The following LRRC7 variants were observed in gnomAD, a reference collection of about 807,000 sequenced individuals.
LRRC7 encodes the protein leucine-rich repeat-containing protein 7.
In LRRC7, 23 loss-of-function variants were observed where a neutral mutation model predicts 175.7. That is an observed-to-expected ratio of 0.13 (90% CI 0.09 to 0.19). The LOEUF is 0.19. Among genes scored for constraint, LRRC7 ranks in the 10% least tolerant of loss-of-function variants. The pLI, the probability that LRRC7 is intolerant of heterozygous loss-of-function variation, is 1.00. For synonymous variants in LRRC7, 685 were observed against 680.9 expected (o/e 1.01, Z -0.09); for missense variants, 1,354 against 1,904.7 (o/e 0.71, Z 5.38).
rs561140847 is a variant in LRRC7 at position 69,745,382 on chromosome 1, T to C, written c.101-14809T>C. On this transcript the variant is annotated intron_variant, in intron 2 of 26. Transcript: ENST00000651989. The stretch of plus-strand genomic sequence containing the variant: ...AAATTGACATTCATATACAATACTT[T>C]GGGGAGTATACATTGGTAAAAATAA... 5.3e-5 allele frequency among the ~76,000 whole-genome samples: 8 copies of C among 152,056 alleles called. No individual in the cohort carries two copies. In the East Asian group the frequency reaches 1.5e-3, roughly 29 times the overall value.
rs776932465 is a variant in LRRC7 at position 69,736,277 on chromosome 1, G to T, written c.101-23914G>T. On this transcript the variant is annotated intron_variant, in intron 2 of 26. Transcript: ENST00000651989. ...AATTCACTAAGAATAGAAAATTATT[G>T]ATTTATTCAGTAAACTAAGTAGGTT... Among the ~76,000 whole-genome samples, 153 of 152,030 alleles carry T rather than the reference G, an allele frequency of 1.0e-3. 1 individual carries two copies. The highest frequency in any genetic ancestry group is 1.9e-3 in the Non-Finnish European group (128 of 67,984).
At chr1:69,844,193 T>C (rs189054204) in intron 7 of LRRC7, among the ~76,000 whole-genome samples, 1 of 152,114 alleles carries the variant, frequency 6.6e-6, no homozygotes, top group Admixed American at 6.6e-5. Flanking sequence ...TAATTTTTTT[T>C]ATCGTGGTAA....
intron 7 of LRRC7, among the ~76,000 whole-genome samples, chr1:69,918,462 T>A (rs1279335362): frequency 6.6e-6 from 1 of 152,218 alleles, no homozygotes; most frequent in Non-Finnish European, 1.5e-5. Context: ...CCCTGTTACA[T>A]ATGTTCATCT....
intron 8 of LRRC7, among the ~76,000 whole-genome samples, chr1:69,941,868 G>A (rs1253537560): frequency 1.3e-5 from 2 of 151,966 alleles, no homozygotes; most frequent in Non-Finnish European, 2.9e-5. Context: ...GGAGATTATA[G>A]AAAAACAATC....
intron 7 of LRRC7, among the ~76,000 whole-genome samples, chr1:69,913,138 T>C (rs1040716805): frequency 2.6e-5 from 4 of 152,208 alleles, no homozygotes; most frequent in Non-Finnish European, 4.4e-5. Context: ...TTTCAATGTT[T>C]ATCCTAATAA....
chr1:69,945,918 T>A (rs761263156), intron 8 of LRRC7, among the ~76,000 whole-genome samples: 13 of 152,174 alleles, frequency 8.5e-5, no homozygotes, highest in Non-Finnish European at 1.9e-4. Flanking sequence ...GAGCATGTCA[T>A]CTGTAAGCAG....
chr1:69,604,073 A>G (rs946369584), intron 1 of LRRC7, among the ~76,000 whole-genome samples: 29 of 152,124 alleles, frequency 1.9e-4, no homozygotes, highest in East Asian at 5.8e-4. Flanking sequence ...ATATTTTAAG[A>G]TTTTGTTTCC....
At chr1:69,636,362 A>C (rs186673473) in intron 1 of LRRC7, among the ~76,000 whole-genome samples, 1 of 152,066 alleles carries the variant, frequency 6.6e-6, no homozygotes, top group Admixed American at 6.6e-5. Flanking sequence ...CTCCTCACCA[A>C]TAAATTCAAA....
intron 7 of LRRC7, among the ~76,000 whole-genome samples, chr1:69,902,160 G>A (rs534653923): frequency 7.0e-4 from 107 of 152,236 alleles, no homozygotes; most frequent in Non-Finnish European, 1.1e-3. Context: ...GGACCTGAAG[G>A]CAACAGCCAC....
At chr1:69,768,623 A>G (rs1442130833) in intron 3 of LRRC7, among the ~76,000 whole-genome samples, 1 of 152,190 alleles carries the variant, frequency 6.6e-6, no homozygotes, top group Non-Finnish European at 1.5e-5. Context: ...TTTTACAAGG[A>G]ATGAGAGCTT....
At chr1:69,931,897 T>A (rs1048402820) in intron 8 of LRRC7, among the ~76,000 whole-genome samples, 2 of 152,194 alleles carry the variant, frequency 1.3e-5, no homozygotes, top group Non-Finnish European at 2.9e-5. Context: ...CATACATAGC[T>A]ATTAAGTGCC....
chr1:69,882,817 T>C (rs1686770777), intron 7 of LRRC7, among the ~76,000 whole-genome samples: 1 of 137,740 alleles, frequency 7.3e-6, no homozygotes, highest in East Asian at 2.3e-4. Context: ...CCTGTGTCCA[T>C]GTGATCTCAT....
intron 8 of LRRC7, among the ~76,000 whole-genome samples, chr1:69,937,008 A>G (rs1259909554): frequency 6.6e-6 from 1 of 152,092 alleles, no homozygotes; most frequent in Admixed American, 6.6e-5. Context: ...CCTGGCTATC[A>G]TGAAAAGTTA....
At chr1:69,768,682 G>A (rs1671892790) in intron 3 of LRRC7, among the ~76,000 whole-genome samples, 2 of 152,168 alleles carry the variant, frequency 1.3e-5, no homozygotes, top group Non-Finnish European at 2.9e-5. Flanking sequence ...GAGCATATCT[G>A]CATATGCATA....
At chr1:69,569,960 G>A (rs2100870073) in intron 1 of LRRC7, among the ~76,000 whole-genome samples, 2 of 150,646 alleles carry the variant, frequency 1.3e-5, no homozygotes, top group South Asian at 4.2e-4. Flanking sequence ...AAGACACAGG[G>A]GTCCTCCCCC....
chr1:69,885,248 G>T (rs1268944747), intron 7 of LRRC7, among the ~76,000 whole-genome samples: 6 of 138,084 alleles, frequency 4.3e-5, no homozygotes, highest in Admixed American at 4.3e-4. Context: ...TCTGGTCCTG[G>T]ACTCTTTTTG....
At chr1:70,083,470 A>T (rs1041988202) in intron 24 of LRRC7, among the ~76,000 whole-genome samples, 33 of 152,170 alleles carry the variant, frequency 2.2e-4, no homozygotes, top group Admixed American at 1.9e-3. Context: ...TAATTTACAT[A>T]CCATGAAGCA....
At chr1:69,687,520 C>CAAAA in intron 2 of LRRC7, among the ~76,000 whole-genome samples, 1 of 96,878 alleles carries the variant, frequency 1.0e-5, no homozygotes, top group African/African-American at 4.0e-5. Flanking sequence ...AAGAAAAAAC[C>CAAAA]AAAAAAAAAA....
chr1:69,654,170 T>C (rs534888881), intron 1 of LRRC7, among the ~76,000 whole-genome samples: 3 of 151,952 alleles, frequency 2.0e-5, no homozygotes, highest in Admixed American at 6.6e-5. Flanking sequence ...ATAGGCATGA[T>C]ACTAAGCACC....
Sources: gnomAD v4.1 joint callset for allele counts (sites outside exome capture counted in the v4.1 genomes callset) on GRCh38, gnomAD v4.1.1 for gene constraint, MANE v1.5 for transcripts, NCBI Gene and HGNC (gene_info 2026-07-23, HGNC 2026-07-21) for gene names.